USH2A: variants seen among roughly 807,000 people sequenced by gnomAD.
The protein encoded by USH2A is Usher syndrome 2A (autosomal recessive, mild).
In USH2A, 443 loss-of-function variants were observed where a neutral mutation model predicts 538.9. The ratio of observed to expected loss-of-function variants is 0.82; its 90% CI spans 0.76 to 0.89. The LOEUF is 0.89. Among genes scored for constraint, USH2A ranks in the 40% least tolerant of loss-of-function variants. The pLI is 0.00. For synonymous variants in USH2A, 2,413 were observed against 2,273.5 expected (o/e 1.06, Z -1.75); for missense variants, 6,633 against 6,324.8 (o/e 1.05, Z -1.65).
Position 216,200,021 on chromosome 1 carries a change from G to A in USH2A, c.3417C>T (p.Val1139=), listed in dbSNP as rs780905621. 2 of 1,613,834 alleles carry A rather than the reference G, an allele frequency of 1.2e-6. No homozygotes were observed. The highest frequency in any genetic ancestry group is 2.2e-5 in the South Asian group (2 of 91,070). Residue 1139 remains valine (V), a synonymous_variant, in exon 17 of 72, where the codon GTC becomes GTT. Coordinates refer to ENST00000307340, the MANE Select transcript of USH2A (RefSeq NM_206933.4). ...GGACCCCTGGTTTTGTCTTGTAAGTGACAGCTACACTCCTTGTTGAACCAT... is the reference window on the plus strand; with the variant it reads ...GGACCCCTGGTTTTGTCTTGTAAGTAACAGCTACACTCCTTGTTGAACCAT... ...NVHGSTRSVA[V]TYKTKPGVPE...
intron 13 of USH2A, among the ~76,000 whole-genome samples, chr1:216,244,187 G>A (rs906669688): frequency 6.6e-6 from 1 of 152,084 alleles, no homozygotes; most frequent in Admixed American, 6.6e-5. Flanking sequence ...ATTCCATGTC[G>A]GGAAAGGAGA....
rs556335103 is a variant in USH2A, at chr1:216,355,785, C to CT, written c.784+9167dup. ...TGCTACATAATGAATCTAAACTGGA[C>CT]TTTTTTTCTCCCTCACCCTAAGTAA... On this transcript the variant is annotated intron_variant, in intron 4 of 71. Transcript: ENST00000307340. Among the ~76,000 whole-genome samples the CT allele has an allele frequency of 9.6e-4, 146 of 152,178 alleles. 1 individual carries two copies. Among genetic ancestry groups the CT allele is most frequent in the African/African-American group, 3.3e-3 (139 of 41,546 alleles).
chr1:215,900,754 C>T lies in USH2A; in HGVS notation c.7451+1G>A, dbSNP rs541848371. 10 of 1,613,598 alleles carry T rather than the reference C, an allele frequency of 6.2e-6. No homozygotes were observed. Among genetic ancestry groups the T allele is most frequent in the South Asian group, 1.1e-5 (1 of 91,082 alleles). On this transcript the variant is annotated splice_donor_variant, in intron 39 of 71. Coordinates refer to ENST00000307340, the MANE Select transcript of USH2A (RefSeq NM_206933.4). LOFTEE classifies it high-confidence loss of function. Reference sequence around the variant, plus strand: ...TAGAATGGACAAAGTAGAATGCTCACTCTAGAAATCCATGGGTGGAGTCGC... The same window carrying T: ...TAGAATGGACAAAGTAGAATGCTCATTCTAGAAATCCATGGGTGGAGTCGC...
chr1:216,046,350 TG>T, intron 32 of USH2A, 80 bp downstream of exon 32: 1 of 1,543,892 alleles, frequency 6.5e-7, no homozygotes, highest in Non-Finnish European at 8.9e-7. Flanking sequence ...ATGGAACCCC[TG>T]GATATCGAGA....
intron 4 of USH2A, among the ~76,000 whole-genome samples, chr1:216,340,942 G>T (rs910362483): frequency 6.6e-6 from 1 of 152,094 alleles, no homozygotes; most frequent in African/African-American, 2.4e-5. Context: ...CACAAGACAA[G>T]GATCCCTTCT....
At chr1:216,353,420 T>A (rs765466674) in intron 4 of USH2A, among the ~76,000 whole-genome samples, 16 of 151,528 alleles carry the variant, frequency 1.1e-4, no homozygotes, top group Admixed American at 5.9e-4. Flanking sequence ...TAAAAAAACA[T>A]GTTTCAGTTT....
At position 215,782,815 on chromosome 1, in the gene USH2A, C is replaced by A; in HGVS notation, c.10508G>T (p.Ser3503Ile). Residue 3503 changes from serine to isoleucine, a missense_variant, in exon 53 of 72, where the codon AGT (serine) becomes ATT (isoleucine). Ser to Ile is a moderately radical substitution (Grantham distance 142). Transcript: ENST00000307340. ...RTKEDVPQGV[S>I]PPTWTKIDNL... ...GTCTATTTTGGTCCACGTAGGGGGA[C>A]TCACTCCTTGAGGCACATCTTCTTT... 2 of 1,613,974 alleles carry A rather than the reference C, an allele frequency of 1.2e-6. No individual in the cohort carries two copies. The highest frequency in any genetic ancestry group is 1.7e-6 in the Non-Finnish European group (2 of 1,179,910).
rs77415316 is a variant in USH2A at position 216,295,647 on chromosome 1, T to C, written c.1645-3277A>G. On this transcript the variant is annotated intron_variant, in intron 9 of 71. Transcript: ENST00000307340. ...CCAGGATTTCTGAAAATCATTTTTCTCACTCTCCATTTGCTGTGAAATACT... is the reference window on the plus strand; with the variant it reads ...CCAGGATTTCTGAAAATCATTTTTCCCACTCTCCATTTGCTGTGAAATACT... 4.1e-3 allele frequency among the ~76,000 whole-genome samples: 628 copies of C among 152,064 alleles called. 3 individuals are homozygous for C. The highest frequency in any genetic ancestry group is 4.9e-3 in the Non-Finnish European group (329 of 67,818).
intron 21 of USH2A, among the ~76,000 whole-genome samples, chr1:216,159,298 T>G (rs2034008122): frequency 1.3e-5 from 2 of 152,104 alleles, no homozygotes; most frequent in Non-Finnish European, 2.9e-5. Flanking sequence ...CACTTGATAT[T>G]TTACTATTAG....
chr1:216,098,176 C>T (rs954456566), intron 21 of USH2A, among the ~76,000 whole-genome samples: 2 of 152,178 alleles, frequency 1.3e-5, no homozygotes, highest in Non-Finnish European at 2.9e-5. Context: ...ACTCAGTATC[C>T]CACGTACTCA....
chr1:215,680,989 T>A (rs940324147), intron 61 of USH2A, among the ~76,000 whole-genome samples: 1 of 152,140 alleles, frequency 6.6e-6, no homozygotes, highest in East Asian at 1.9e-4. Flanking sequence ...ATTATTAATA[T>A]AGATATAAAA....
intron 61 of USH2A, among the ~76,000 whole-genome samples, chr1:215,695,605 G>T (rs1658781050): frequency 6.6e-6 from 1 of 152,140 alleles, no homozygotes; most frequent in Non-Finnish European, 1.5e-5. Flanking sequence ...ATTTTGATTG[G>T]TTTTGTAAGG....
intron 26 of USH2A, among the ~76,000 whole-genome samples, chr1:216,080,340 T>C (rs1213938844): frequency 6.6e-6 from 1 of 151,834 alleles, no homozygotes; most frequent in Non-Finnish European, 1.5e-5. Context: ...CAGGAGAAAC[T>C]AGTATTTTGG....
At chr1:215,982,470 G>A (rs1667772145) in intron 35 of USH2A, among the ~76,000 whole-genome samples, 1 of 152,118 alleles carries the variant, frequency 6.6e-6, no homozygotes, top group Non-Finnish European at 1.5e-5. Context: ...ACAAGCTTAG[G>A]CAGGTCTGTA....
At chr1:216,154,966 G>A (rs1457327336) in intron 21 of USH2A, among the ~76,000 whole-genome samples, 3 of 151,928 alleles carry the variant, frequency 2.0e-5, no homozygotes, top group Non-Finnish European at 4.4e-5. Flanking sequence ...GGGTAAGATA[G>A]CTCTGTCTTT....
At position 216,196,679 on chromosome 1, in the gene USH2A, C is replaced by G. The variant is rs141366961; in HGVS notation, c.4125G>C (p.Ser1375=). 1 of 1,613,132 alleles carries G rather than the reference C, an allele frequency of 6.2e-7. No homozygotes were observed. The highest frequency in any genetic ancestry group is 8.5e-7 in the Non-Finnish European group (1 of 1,179,586). ...TCTCCCAGGAGATATTGAGAGAGTA[C>G]GAAGAGAGGGGAAAGACTGAAGGAG... ...MIPPSVFPLS[S]YSLNISWEKP... The change falls in exon 19 of 72, where the codon TCG becomes TCC. Residue 1375 remains serine, a synonymous_variant. Transcript: ENST00000307340.
chr1:216,230,433 C>T (rs1313673105), intron 14 of USH2A, among the ~76,000 whole-genome samples: 1 of 152,082 alleles, frequency 6.6e-6, no homozygotes, highest in African/African-American at 2.4e-5. Context: ...GGTAACATTT[C>T]TACGGTGATA....
intron 33 of USH2A, 141 bp downstream of exon 33, chr1:216,000,262 G>A: frequency 8.4e-7 from 1 of 1,187,354 alleles, no homozygotes; most frequent in East Asian, 2.4e-5. Flanking sequence ...ATAATCAAAG[G>A]TTCCCAGATC....
chr1:215,666,591 C>T (rs1353928796), intron 64 of USH2A, among the ~76,000 whole-genome samples: 1 of 152,160 alleles, frequency 6.6e-6, no homozygotes, highest in Non-Finnish European at 1.5e-5. Context: ...AGAATCAGAA[C>T]TACAGGGGAA....
Sources: gnomAD v4.1 joint callset for allele counts (sites outside exome capture counted in the v4.1 genomes callset) on GRCh38, gnomAD v4.1.1 for gene constraint, MANE v1.5 for transcripts, NCBI Gene and HGNC (gene_info 2026-07-23, HGNC 2026-07-21) for gene names.